The following MRPS27 variants were observed in gnomAD, a reference collection of about 807,000 sequenced individuals.
MRPS27 encodes small ribosomal subunit protein mS27.
In MRPS27, 43 loss-of-function variants were observed where a neutral mutation model predicts 48.9. The ratio of observed to expected loss-of-function variants is 0.88; its 90% CI spans 0.69 to 1.13. MRPS27 has a LOEUF of 1.13. MRPS27 is among the 50% of genes most tolerant of loss of function. The probability of loss-of-function intolerance (pLI) is 0.00; values close to 1 mark genes in which losing one functional copy is unlikely to be tolerated. For missense variants in MRPS27, 467 were observed against 476.3 expected, an observed-to-expected ratio of 0.98 and a Z score of 0.18; for synonymous variants, 188 against 171.9, an observed-to-expected ratio of 1.09 and a Z score of -0.73.
At chr5:72,268,190 C>T (rs1390245682) in intron 4 of MRPS27, among the ~76,000 whole-genome samples, 4 of 151,958 alleles carry the variant, frequency 2.6e-5, no homozygotes, top group African/African-American at 9.7e-5. Flanking sequence ...TAAGTCAAAT[C>T]CTTAAAACAT....
Position 72,226,025 on chromosome 5 carries a change from A to G in MRPS27, c.837+32T>C, listed in dbSNP as rs1478516486. 3 of 1,590,974 alleles carry G rather than the reference A, an allele frequency of 1.9e-6. No homozygotes were observed. The Admixed American group carries it at 5.1e-5, about 27-fold the overall frequency. ...CTCAGGTTATGGGAAACAGATGGCTAAATCTCACTGCCTTAGAGCTGAAGA... is the reference window on the plus strand; with the variant it reads ...CTCAGGTTATGGGAAACAGATGGCTGAATCTCACTGCCTTAGAGCTGAAGA... On this transcript the variant is annotated intron_variant, in intron 9 of 10. Transcript: ENST00000261413.
rs916159681 is a variant in MRPS27 at position 72,220,025 on chromosome 5, C to T, written c.*884G>A. The stretch of plus-strand genomic sequence containing the variant: ...TCCAGTGAGTTCATGGCCTTGAGTT[C>T]ACTCCTGTCCTGAATTTCTCCCAGT... On this transcript the variant is annotated 3_prime_UTR_variant, in exon 11 of 11. Transcript: ENST00000261413. The T allele has an allele frequency of 3.7e-4, 56 of 152,764 alleles. No individual in the cohort carries two copies. Among genetic ancestry groups the T allele is most frequent in the African/African-American group, 1.2e-3 (51 of 41,564 alleles). 9.5% of individuals were successfully genotyped at this position (152,764 alleles called of 1,614,324 possible). A position where few individuals can be genotyped will look rare whatever the true frequency, so the allele number is the denominator to read the frequency against.
intron 6 of MRPS27, among the ~76,000 whole-genome samples, chr5:72,233,016 G>A (rs1466201168): frequency 6.6e-6 from 1 of 152,118 alleles, no homozygotes; most frequent in Non-Finnish European, 1.5e-5. Flanking sequence ...ACCCTGACAG[G>A]CAGAGCAGAC....
intron 7 of MRPS27, among the ~76,000 whole-genome samples, chr5:72,230,055 T>A (rs1207181378): frequency 6.6e-6 from 1 of 151,988 alleles, no homozygotes; most frequent in African/African-American, 2.4e-5. Context: ...CTGGTTAATA[T>A]TTTTTTTATT....
intron 2 of MRPS27, among the ~76,000 whole-genome samples, chr5:72,308,289 A>C (rs1444217095): frequency 6.6e-6 from 1 of 152,212 alleles, no homozygotes; most frequent in East Asian, 1.9e-4. Context: ...ACTCCCCGGC[A>C]GGGCACGGCT....
rs1185655034 is a variant in MRPS27, at chr5:72,220,613, C to T, written c.*296G>A. The T allele has an allele frequency of 5.5e-6, 2 of 363,470 alleles. No homozygotes were observed. Among genetic ancestry groups the T allele is most frequent in the Non-Finnish European group, 9.9e-6 (2 of 201,818 alleles). 22.5% of individuals were successfully genotyped at this position (363,470 alleles called of 1,614,324 possible). On this transcript the variant is annotated 3_prime_UTR_variant, in exon 11 of 11. Transcript: ENST00000261413. ...CAGTACTGTCACTGGGTCTTAGGAA[C>T]TTTAATGCTCATAACTAATCCCTGT...
intron 10 of MRPS27, 85 bp from the exon 11 acceptor site, chr5:72,221,233 T>C (rs573360084): frequency 2.7e-6 from 4 of 1,503,296 alleles, no homozygotes; most frequent in Admixed American, 2.0e-5. Flanking sequence ...CCTGAGTGAC[T>C]GACTTTAGAT....
At chr5:72,261,283 G>C (rs772685024) in intron 4 of MRPS27, among the ~76,000 whole-genome samples, 1 of 152,030 alleles carries the variant, frequency 6.6e-6, no homozygotes. Context: ...ACGGAGTCTC[G>C]TTTTGTTGCC....
In MRPS27 at chr5:72,238,056, T is replaced by C. The variant is rs773896221; in HGVS notation, c.354A>G (p.Lys118=). 3 of 1,613,482 alleles carry C rather than the reference T, an allele frequency of 1.9e-6. No homozygotes were observed. The highest frequency in any genetic ancestry group is 2.5e-6 in the Non-Finnish European group (3 of 1,179,672). The change falls in exon 5 of 11, where the codon AAA becomes AAG. Residue 118 remains lysine (K), a synonymous_variant. Transcript: ENST00000261413. The part of the protein sequence containing the change: ...TIHTWIRQCL[K]YDAQDKALYT... ...ATAGGGCTTTGTCTTGTGCATCATA[T>C]TTTAGACACTGCCTAATCCAGGTGT...
intron 4 of MRPS27, among the ~76,000 whole-genome samples, chr5:72,277,106 T>C (rs897450710): frequency 3.3e-5 from 5 of 151,390 alleles, no homozygotes; most frequent in East Asian, 1.9e-4. Flanking sequence ...AACAAACATA[T>C]GAAAAAAAGG....
At chr5:72,221,505 T>C (rs780157406) in intron 10 of MRPS27, among the ~76,000 whole-genome samples, 11 of 152,134 alleles carry the variant, frequency 7.2e-5, no homozygotes, top group Non-Finnish European at 1.3e-4. Flanking sequence ...CCCTGTGTAA[T>C]TTCTTGTTTT....
intron 4 of MRPS27, among the ~76,000 whole-genome samples, chr5:72,250,104 T>A (rs1748625349): frequency 2.6e-5 from 4 of 152,252 alleles, no homozygotes; most frequent in Admixed American, 2.6e-4. Context: ...TATATAACAC[T>A]GATTATTTCA....
chr5:72,309,884 T>C (rs1287204923), intron 2 of MRPS27, among the ~76,000 whole-genome samples: 2 of 152,162 alleles, frequency 1.3e-5, no homozygotes, highest in Non-Finnish European at 2.9e-5. Flanking sequence ...CATTTTAGGA[T>C]ATGTGGAAGT....
intron 4 of MRPS27, among the ~76,000 whole-genome samples, chr5:72,294,090 ATTTAAAATAAATGTTT>A (rs927559970): frequency 4.5e-4 from 68 of 152,268 alleles, no homozygotes; most frequent in Admixed American, 1.7e-3. Flanking sequence ...CCAATCTGAG[ATTTAAAATAAATGTTT>A]TTTAAAGGTG....
intron 7 of MRPS27, among the ~76,000 whole-genome samples, chr5:72,231,271 T>C (rs1347721346): frequency 2.6e-5 from 4 of 152,162 alleles, no homozygotes; most frequent in Non-Finnish European, 5.9e-5. Context: ...TATTTGGACA[T>C]GTAATTTCCT....
intron 2 of MRPS27, among the ~76,000 whole-genome samples, chr5:72,302,241 C>T (rs1262123909): frequency 2.6e-5 from 4 of 152,216 alleles, no homozygotes; most frequent in Admixed American, 6.5e-5. Flanking sequence ...GAACCCTGCA[C>T]TATTCCCAGT....
At chr5:72,238,795 T>A (rs1407559938) in intron 4 of MRPS27, among the ~76,000 whole-genome samples, 2 of 152,168 alleles carry the variant, frequency 1.3e-5, no homozygotes, top group African/African-American at 4.8e-5. Flanking sequence ...CAGGATGAGT[T>A]ATATACAGTA....
chr5:72,243,291 T>G (rs966000183), intron 4 of MRPS27, among the ~76,000 whole-genome samples: 1 of 152,242 alleles, frequency 6.6e-6, no homozygotes, highest in Non-Finnish European at 1.5e-5. Context: ...GTCATGTGAC[T>G]ATTTAAATCA....
At chr5:72,294,826 G>T (rs1347701887) in intron 4 of MRPS27, 1 of 151,868 alleles carries the variant, frequency 6.6e-6, no homozygotes, top group African/African-American at 2.4e-5. Flanking sequence ...TATACATACA[G>T]ATTGAGTATC....
Sources: allele counts gnomAD v4.1 joint callset (sites outside exome capture counted in the v4.1 genomes callset), GRCh38; gene constraint gnomAD v4.1.1; transcripts MANE v1.5; gene names NCBI Gene and HGNC (gene_info 2026-07-23, HGNC 2026-07-21).